Variants in CGGBP1 observed in about 807,000 individuals in gnomAD.
CGGBP1 encodes CGG triplet repeat-binding protein 1.
Under a neutral mutation model 11.4 loss-of-function variants are expected in CGGBP1, and 4 were observed. That is an observed-to-expected ratio of 0.35 (90% CI 0.17 to 0.80). The LOEUF is 0.80. Among genes scored for constraint, CGGBP1 ranks in the 30% least tolerant of loss-of-function variants. The pLI is 0.52. For missense variants in CGGBP1, 135 were observed against 202.1 expected, an observed-to-expected ratio of 0.67 and a Z score of 2.01; for synonymous variants, 76 against 74.1, an observed-to-expected ratio of 1.03 and a Z score of -0.13.
In CGGBP1 at chr3:88,066,587, A is replaced by AAAC. The variant is rs1553691223; in HGVS notation, c.-228-8365_-228-8364insGTT. On this transcript the variant is annotated intron_variant, in intron 2 of 3. Coordinates refer to the CGGBP1 transcript ENST00000462901. ...ACAAACAAACAAACAAACAAAAAAA[A>AAAC]CAAAAAAACCTCAATTTTAATTTTG... Among the ~76,000 whole-genome samples the AAAC allele has an allele frequency of 3.0e-3, 456 of 151,496 alleles. 5 individuals are homozygous for AAAC. Among genetic ancestry groups the AAAC allele is most frequent in the African/African-American group, 0.01 (432 of 41,336 alleles).
intron 2 of CGGBP1, among the ~76,000 whole-genome samples, chr3:88,088,595 AAAACC>A (rs1265903321): frequency 7.9e-5 from 12 of 152,352 alleles, no homozygotes; most frequent in African/African-American, 2.6e-4. Context: ...AATGTAAAAC[AAAACC>A]AAAGAGAAAT....
At chr3:88,083,674 T>C (rs1448523645) in intron 2 of CGGBP1, among the ~76,000 whole-genome samples, 1 of 151,992 alleles carries the variant, frequency 6.6e-6, no homozygotes, top group Non-Finnish European at 1.5e-5. Context: ...TAGACCATTT[T>C]CTTTAAAAGT....
intron 2 of CGGBP1, among the ~76,000 whole-genome samples, chr3:88,065,065 T>G (rs1340936318): frequency 1.3e-5 from 2 of 152,248 alleles, no homozygotes; most frequent in African/African-American, 4.8e-5. Flanking sequence ...TAAATTTAAT[T>G]GCATTGATGC....
At chr3:88,092,489 A>T (rs1467279548) in intron 2 of CGGBP1, among the ~76,000 whole-genome samples, 1 of 152,204 alleles carries the variant, frequency 6.6e-6, no homozygotes, top group Non-Finnish European at 1.5e-5. Context: ...GGGTGAGCTA[A>T]CTTGCTGTAC....
At chr3:88,130,144 C>G (rs1706359470) in intron 2 of CGGBP1, among the ~76,000 whole-genome samples, 1 of 152,008 alleles carries the variant, frequency 6.6e-6, no homozygotes, top group Non-Finnish European at 1.5e-5. Context: ...GCAGGTTTAC[C>G]TAGCAATCAT....
At chr3:88,117,945 TA>T (rs5850829) in intron 2 of CGGBP1, among the ~76,000 whole-genome samples, 116,946 of 147,774 alleles carry the variant, frequency 0.79, 46,913 homozygotes, top group East Asian at 0.93. Context: ...AATAGATGAT[TA>T]AAAAAAAAAA....
chr3:88,135,074 A>G lies in CGGBP1; in HGVS notation c.-229+5896T>C, dbSNP rs77487622. 6,617 of 1,432,892 alleles carry G rather than the reference A, an allele frequency of 4.6e-3. 29 individuals carry two copies. The highest frequency in any genetic ancestry group is 5.5e-3 in the Non-Finnish European group (6,004 of 1,100,920). 88.8% of individuals were successfully genotyped at this position (1,432,892 alleles called of 1,614,324 possible). A position where few individuals can be genotyped will look rare whatever the true frequency, so the allele number is the denominator to read the frequency against. On this transcript the variant is annotated intron_variant, in intron 2 of 3. Transcript: ENST00000462901. ...TCTCATTTACAGGGAGTTGATTTTCATATGGAGTAAACTACAGCTTAAATC... is the reference window on the plus strand; with the variant it reads ...TCTCATTTACAGGGAGTTGATTTTCGTATGGAGTAAACTACAGCTTAAATC...
chr3:88,076,488 C>G (rs1193763807), intron 2 of CGGBP1, among the ~76,000 whole-genome samples: 1 of 152,060 alleles, frequency 6.6e-6, no homozygotes, highest in Non-Finnish European at 1.5e-5. Context: ...AAGGAAGTCC[C>G]TCTTTTCTTT....
intron 2 of CGGBP1, among the ~76,000 whole-genome samples, chr3:88,080,467 A>T (rs1158417874): frequency 1.3e-5 from 2 of 152,080 alleles, no homozygotes; most frequent in Admixed American, 6.6e-5. Context: ...TCTTATTTAA[A>T]TTTTCAATAG....
At chr3:88,060,149 G>A (rs919256454), upstream of CGGBP1, among the ~76,000 whole-genome samples, 1 of 151,898 alleles carries the variant, frequency 6.6e-6, no homozygotes, top group African/African-American at 2.4e-5. Flanking sequence ...GTTGACACAC[G>A]CACTCTTTTC....
At chr3:88,122,614 A>C (rs1043843922) in intron 2 of CGGBP1, among the ~76,000 whole-genome samples, 1 of 152,236 alleles carries the variant, frequency 6.6e-6, no homozygotes, top group Non-Finnish European at 1.5e-5. Flanking sequence ...TATATTTAGC[A>C]CAGTGTAATG....
intron 2 of CGGBP1, among the ~76,000 whole-genome samples, chr3:88,076,801 C>T (rs1401170818): frequency 6.6e-6 from 1 of 152,112 alleles, no homozygotes; most frequent in Non-Finnish European, 1.5e-5. Flanking sequence ...TGGCAGGGAT[C>T]TAAATTCATC....
chr3:88,077,643 C>A lies in CGGBP1; in HGVS notation c.-228-19420G>T, dbSNP rs565367113. Among the ~76,000 whole-genome samples the A allele has an allele frequency of 2.6e-5, 4 of 151,998 alleles. No individual in the cohort carries two copies. The South Asian group carries it at 8.3e-4, about 32-fold the overall frequency. On this transcript the variant is annotated intron_variant, in intron 2 of 3. Transcript: ENST00000462901. ...TTATACTGCTTCTGAGATAGGGAAACCTTTTCAAAATAACACATAGGAAAG... is the reference window on the plus strand; with the variant it reads ...TTATACTGCTTCTGAGATAGGGAAAACTTTTCAAAATAACACATAGGAAAG...
At chr3:88,092,841 G>A (rs569907018) in intron 2 of CGGBP1, among the ~76,000 whole-genome samples, 4 of 152,172 alleles carry the variant, frequency 2.6e-5, no homozygotes, top group African/African-American at 9.6e-5. Context: ...TATCTACTTT[G>A]TAATTATACA....
At chr3:88,064,736 G>GT (rs1707099354) in intron 2 of CGGBP1, among the ~76,000 whole-genome samples, 1 of 152,008 alleles carries the variant, frequency 6.6e-6, no homozygotes, top group South Asian at 2.1e-4. Context: ...TTGTCCAGTG[G>GT]GTTTAGCTCT....
At chr3:88,092,220 T>C (rs1206127779) in intron 2 of CGGBP1, among the ~76,000 whole-genome samples, 1 of 152,204 alleles carries the variant, frequency 6.6e-6, no homozygotes, top group African/African-American at 2.4e-5. Context: ...TTTATTTAAA[T>C]ATTTAATCAA....
chr3:88,131,074 C>T lies in CGGBP1; in HGVS notation c.-229+9896G>A, dbSNP rs574684514. ...GTGTGAATATTGTAGAGATACAAAC[C>T]TAGATGGTATATCCTACTGCACATC... On this transcript the variant is annotated intron_variant, in intron 2 of 3. Coordinates refer to the CGGBP1 transcript ENST00000462901. Among the ~76,000 whole-genome samples the T allele has an allele frequency of 3.3e-5, 5 of 152,128 alleles. No homozygotes were observed. The South Asian group carries it at 1.0e-3, about 32-fold the overall frequency.
intron 2 of CGGBP1, among the ~76,000 whole-genome samples, chr3:88,112,414 C>T (rs1705147669): frequency 6.6e-6 from 1 of 151,758 alleles, no homozygotes; most frequent in African/African-American, 2.4e-5. Context: ...TTATAATTTT[C>T]CATGCTCATG....
intron 2 of CGGBP1, among the ~76,000 whole-genome samples, chr3:88,137,551 A>G (rs1229549503): frequency 1.2e-4 from 19 of 152,184 alleles, no homozygotes; most frequent in South Asian, 6.2e-4. Flanking sequence ...GAGGACATAC[A>G]CATACACAGA....
Sources: gnomAD v4.1 joint callset for allele counts (sites outside exome capture counted in the v4.1 genomes callset) on GRCh38, gnomAD v4.1.1 for gene constraint, MANE v1.5 for transcripts, NCBI Gene and HGNC (gene_info 2026-07-23, HGNC 2026-07-21) for gene names.